Variants in NR3C1 observed in about 807,000 individuals in gnomAD.
NR3C1 encodes the protein glucocorticoid receptor.
NR3C1 carries 14 observed loss-of-function variants against 74.0 expected under a neutral mutation model. That is an observed-to-expected ratio of 0.19 (90% CI 0.12 to 0.30). NR3C1 has a LOEUF of 0.30. Among genes scored for constraint, NR3C1 ranks in the 10% least tolerant of loss-of-function variants. The pLI, the probability that NR3C1 is intolerant of heterozygous loss-of-function variation, is 1.00. For synonymous variants in NR3C1, 308 were observed against 332.5 expected, an observed-to-expected ratio of 0.93 and a Z score of 0.80; for missense variants, 695 against 909.8, an observed-to-expected ratio of 0.76 and a Z score of 3.04.
At position 143,330,930 on chromosome 5, in the gene NR3C1, T is replaced by TAGAATAC. The variant is rs1221762053; in HGVS notation, c.1185-16763_1185-16762insGTATTCT. On this transcript the variant is annotated intron_variant, in intron 2 of 8. Coordinates refer to ENST00000394464, the MANE Select transcript of NR3C1 (RefSeq NM_000176.3). ...ATTGCTCTCAAAATACCAATGACAT[T>TAGAATAC]CATCACAGAATTAGAAAAAAACTAT... Among the ~76,000 whole-genome samples the TAGAATAC allele has an allele frequency of 5.9e-5, 9 of 152,084 alleles. 1 individual carries two copies. Among genetic ancestry groups the TAGAATAC allele is most frequent in the Non-Finnish European group, 1.2e-4 (8 of 68,012 alleles).
chr5:143,288,289 T>A (rs1815000778), intron 7 of NR3C1, among the ~76,000 whole-genome samples: 1 of 151,784 alleles, frequency 6.6e-6, no homozygotes, highest in Non-Finnish European at 1.5e-5. Flanking sequence ...TGGCTAATTT[T>A]TTTGTATTTT....
intron 1 of NR3C1, among the ~76,000 whole-genome samples, chr5:143,422,067 A>G (rs1412804448): frequency 6.6e-6 from 1 of 152,060 alleles, no homozygotes; most frequent in Non-Finnish European, 1.5e-5. Context: ...TCCCTTCTCC[A>G]TGATCTTTAC....
intron 2 of NR3C1, among the ~76,000 whole-genome samples, chr5:143,363,854 A>C (rs1832717031): frequency 6.6e-6 from 1 of 152,190 alleles, no homozygotes; most frequent in South Asian, 2.1e-4. Flanking sequence ...AGTCTGAGGA[A>C]GTGAAAGAAA....
rs28791803 is a variant in NR3C1 at position 143,367,700 on chromosome 5, A to G, written c.1184+31956T>C. On this transcript the variant is annotated intron_variant, in intron 2 of 8. Transcript: ENST00000394464. ...AGAATAAATTTAATCGAAGTACAAG[A>G]CTTTTATATTGAAAACTACAAAATA... Among the ~76,000 whole-genome samples the G allele has an allele frequency of 4.1e-3, 619 of 152,346 alleles. 2 individuals carry two copies. The highest frequency in any genetic ancestry group is 0.014 in the African/African-American group (593 of 41,580).
intron 2 of NR3C1, among the ~76,000 whole-genome samples, chr5:143,395,373 AT>A (rs996418964): frequency 1.5e-4 from 23 of 151,368 alleles, no homozygotes; most frequent in South Asian, 6.3e-4. Flanking sequence ...TATGTAATGG[AT>A]TTTTTTTTGT....
chr5:143,402,227 CTTT>C (rs1180135305), intron 1 of NR3C1, among the ~76,000 whole-genome samples: 2 of 152,142 alleles, frequency 1.3e-5, no homozygotes, highest in Admixed American at 6.5e-5. Flanking sequence ...TTCCATGCCG[CTTT>C]TTTGACAGCT....
At chr5:143,378,424 T>C (rs1028689131) in intron 2 of NR3C1, among the ~76,000 whole-genome samples, 3 of 152,178 alleles carry the variant, frequency 2.0e-5, no homozygotes, top group African/African-American at 7.2e-5. Context: ...TACACCCAAA[T>C]GTTACCTTCT....
Position 143,281,825 on chromosome 5 carries a change from A to ATAGTT in NR3C1, c.*59_*63dup, listed in dbSNP as rs1813158668. On this transcript the variant is annotated 3_prime_UTR_variant, in exon 9 of 9. Transcript: ENST00000394464. ...AACAAAACCTCTACAGGACAAACTG[A>ATAGTT]TAGTTTATACAATAAAAGCTATTAA... 2 of 1,464,960 alleles carry ATAGTT rather than the reference A, an allele frequency of 1.4e-6. No individual in the cohort carries two copies. The highest frequency in any genetic ancestry group is 9.5e-7 in the Non-Finnish European group (1 of 1,047,748). 90.7% of individuals were successfully genotyped at this position (1,464,960 alleles called of 1,614,324 possible).
At chr5:143,332,802 C>T (rs61752283) in intron 2 of NR3C1, 39 of 1,521,944 alleles carry the variant, frequency 2.6e-5, no homozygotes, top group South Asian at 2.0e-4. Context: ...CGTGAGTTTA[C>T]GGGTGCAGAG....
intron 2 of NR3C1, among the ~76,000 whole-genome samples, chr5:143,388,507 GCAGA>G (rs1477044587): frequency 6.6e-6 from 1 of 152,180 alleles, no homozygotes; most frequent in African/African-American, 2.4e-5. Flanking sequence ...AGTAAGCAAG[GCAGA>G]CAGTATCACT....
intron 2 of NR3C1, among the ~76,000 whole-genome samples, chr5:143,378,896 A>G (rs1835697207): frequency 6.6e-6 from 1 of 152,136 alleles, no homozygotes; most frequent in Non-Finnish European, 1.5e-5. Flanking sequence ...ATTGCCACAT[A>G]TAGTATTAAG....
rs981579203 is a variant in NR3C1 at position 143,278,244 on chromosome 5, A to C, written c.*3645T>G. 7 of 152,218 alleles carry C rather than the reference A, an allele frequency of 4.6e-5. No homozygotes were observed. Among genetic ancestry groups the C allele is most frequent in the Admixed American group, 2.0e-4 (3 of 15,270 alleles). 9.4% of individuals were successfully genotyped at this position (152,218 alleles called of 1,614,324 possible). A position where few individuals can be genotyped will look rare whatever the true frequency, so the allele number is the denominator to read the frequency against. On this transcript the variant is annotated 3_prime_UTR_variant, in exon 9 of 9. Coordinates refer to ENST00000394464, the MANE Select transcript of NR3C1 (RefSeq NM_000176.3). ...CATTTTAAAATTACTGTGATAAAAAATAATGAAAAAGCTTCTTAATAATGC... is the reference window on the plus strand; with the variant it reads ...CATTTTAAAATTACTGTGATAAAAACTAATGAAAAAGCTTCTTAATAATGC...
chr5:143,295,288 G>A, intron 7 of NR3C1, 172 bp downstream of exon 7: 1 of 985,026 alleles, frequency 1.0e-6, no homozygotes, highest in Non-Finnish European at 1.2e-6. Context: ...TATTAATCTT[G>A]GTGTCACTTA....
upstream of NR3C1, chr5:143,404,157 A>C (rs1212577384): frequency 2.8e-5 from 28 of 985,220 alleles, no homozygotes; most frequent in Admixed American, 1.2e-4. Context: ...CGGGCGGGCC[A>C]CAAGAGCCGG....
rs1816899938 is a variant in NR3C1 at position 143,295,177 on chromosome 5, G to C, written c.2023+283C>G. On this transcript the variant is annotated intron_variant, in intron 7 of 8. Transcript: ENST00000394464. ...TTTTCCATGTCTTCCCATGATCAAA[G>C]ATCAAAGGAAGGAAGGAGAAAAAAG... is the stretch of plus-strand genomic sequence containing the variant. The C allele has an allele frequency of 5.1e-6, 5 of 985,152 alleles. No homozygotes were observed. The South Asian group carries it at 1.4e-4, about 28-fold the overall frequency. The allele number at this position is 985,152 out of a possible 1,614,324, so 61.0% of individuals were successfully genotyped here.
chr5:143,316,134 C>T (rs1276406466), intron 2 of NR3C1, among the ~76,000 whole-genome samples: 2 of 152,206 alleles, frequency 1.3e-5, no homozygotes, highest in African/African-American at 4.8e-5. Flanking sequence ...CAGGCCACCC[C>T]TGATTAATGG....
At chr5:143,359,415 C>T (rs562422339) in intron 2 of NR3C1, among the ~76,000 whole-genome samples, 3 of 152,230 alleles carry the variant, frequency 2.0e-5, no homozygotes, top group African/African-American at 7.2e-5. Context: ...GCTTATTCTG[C>T]CTATTATTGT....
upstream of NR3C1, among the ~76,000 whole-genome samples, chr5:143,405,922 A>C (rs549684198): frequency 2.9e-4 from 44 of 152,234 alleles, no homozygotes; most frequent in African/African-American, 1.0e-3. Context: ...CAAGCACTAG[A>C]ATGAGATGTC....
intron 4 of NR3C1, among the ~76,000 whole-genome samples, chr5:143,304,678 C>G (rs1460259901): frequency 6.6e-6 from 1 of 151,824 alleles, no homozygotes; most frequent in Non-Finnish European, 1.5e-5. Context: ...CTATAGTAAC[C>G]GAAACAGCAT....
Sources: allele counts gnomAD v4.1 joint callset (sites outside exome capture counted in the v4.1 genomes callset), GRCh38; gene constraint gnomAD v4.1.1; transcripts MANE v1.5; gene names NCBI Gene and HGNC (gene_info 2026-07-23, HGNC 2026-07-21).